The following GRIK2 variants were observed in gnomAD, a reference collection of about 807,000 sequenced individuals.
GRIK2 encodes glutamate receptor ionotropic, kainate 2.
In GRIK2, 32 loss-of-function variants were observed where a neutral mutation model predicts 100.3. The ratio of observed to expected loss-of-function variants is 0.32; its 90% CI spans 0.24 to 0.43. The LOEUF is 0.43. Among genes scored for constraint, GRIK2 ranks in the 20% least tolerant of loss-of-function variants. The pLI is 1.00. For synonymous variants in GRIK2, 417 were observed against 389.4 expected (o/e 1.07, Z -0.83); for missense variants, 843 against 1,114.9 (o/e 0.76, Z 3.47).
chr6:101,559,458 T>C (rs1776898401), intron 2 of GRIK2, among the ~76,000 whole-genome samples: 1 of 152,034 alleles, frequency 6.6e-6, no homozygotes, highest in Non-Finnish European at 1.5e-5. Context: ...TTGCAACCTC[T>C]CATTTAAATT....
At chr6:101,982,810 C>G (rs913763711) in intron 14 of GRIK2, among the ~76,000 whole-genome samples, 4 of 151,638 alleles carry the variant, frequency 2.6e-5, no homozygotes, top group African/African-American at 9.7e-5. Flanking sequence ...TACCCGTTAC[C>G]TTACAGGATG....
chr6:101,801,920 CTTTTCATG>C (rs1780696208), intron 8 of GRIK2, among the ~76,000 whole-genome samples: 1 of 151,706 alleles, frequency 6.6e-6, no homozygotes, highest in South Asian at 2.1e-4. Context: ...TAATAAGTTC[CTTTTCATG>C]TTATTATGAA....
intron 4 of GRIK2, among the ~76,000 whole-genome samples, chr6:101,670,096 A>T (rs544452183): frequency 3.9e-4 from 60 of 152,164 alleles, no homozygotes; most frequent in African/African-American, 1.2e-3. Flanking sequence ...CATTTTTTTT[A>T]AAACATTGAA....
At chr6:101,795,860 A>T (rs962712730) in intron 7 of GRIK2, among the ~76,000 whole-genome samples, 3 of 152,212 alleles carry the variant, frequency 2.0e-5, no homozygotes, top group Non-Finnish European at 2.9e-5. Context: ...GGACAGGGCA[A>T]TCTCCATGCC....
At chr6:101,743,370 A>G (rs905011946) in intron 7 of GRIK2, among the ~76,000 whole-genome samples, 1 of 152,212 alleles carries the variant, frequency 6.6e-6, no homozygotes, top group East Asian at 1.9e-4. Context: ...AGCAAGCCAG[A>G]TGGGTTAAGT....
chr6:101,626,137 C>G (rs1464928576), intron 3 of GRIK2, among the ~76,000 whole-genome samples: 1 of 152,122 alleles, frequency 6.6e-6, no homozygotes, highest in Non-Finnish European at 1.5e-5. Context: ...TGTCTCCCTC[C>G]CCTGACATTA....
rs147470138 is a variant in GRIK2, at chr6:101,977,893, C to T, written c.2085+49261C>T. 4.6e-3 allele frequency among the ~76,000 whole-genome samples: 705 copies of T among 152,036 alleles called. 7 individuals carry two copies. Among genetic ancestry groups the T allele is most frequent in the African/African-American group, 0.017 (688 of 41,476 alleles). On this transcript the variant is annotated intron_variant, in intron 14 of 16. Transcript: ENST00000369134. ...CTACTAAATAAAGCTCCTCGAGAAA[C>T]TTTCCTGGAGGTGGACTATATGACA... is the stretch of plus-strand genomic sequence containing the variant.
intron 11 of GRIK2, among the ~76,000 whole-genome samples, chr6:101,869,711 A>T (rs986468931): frequency 2.6e-5 from 4 of 151,834 alleles, no homozygotes; most frequent in Admixed American, 2.0e-4. Flanking sequence ...TTTTTCGAAT[A>T]GGCAAGTAGT....
At chr6:101,915,460 A>C (rs1186637031) in intron 12 of GRIK2, among the ~76,000 whole-genome samples, 1 of 151,544 alleles carries the variant, frequency 6.6e-6, no homozygotes, top group Non-Finnish European at 1.5e-5. Context: ...AGAAGATCAC[A>C]CAGTTTCACA....
chr6:101,427,055 A>G (rs1021902259), intron 2 of GRIK2, among the ~76,000 whole-genome samples: 2 of 152,182 alleles, frequency 1.3e-5, no homozygotes, highest in African/African-American at 2.4e-5. Context: ...TAGTTGTTTA[A>G]TTGTGAGAGG....
chr6:101,972,245 C>T (rs1793096363), intron 14 of GRIK2, among the ~76,000 whole-genome samples: 1 of 151,976 alleles, frequency 6.6e-6, no homozygotes, highest in Non-Finnish European at 1.5e-5. Context: ...TCCTATTTCT[C>T]CCGAGCCTCA....
chr6:101,660,540 G>C (rs543648500), intron 4 of GRIK2, among the ~76,000 whole-genome samples: 1 of 152,032 alleles, frequency 6.6e-6, no homozygotes, highest in African/African-American at 2.4e-5. Context: ...GATCCTTTGC[G>C]GGAGAAGAGA....
chr6:102,058,967 T>A (rs1197544916), intron 16 of GRIK2, among the ~76,000 whole-genome samples: 1 of 151,306 alleles, frequency 6.6e-6, no homozygotes, highest in Non-Finnish European at 1.5e-5. Flanking sequence ...GTCTTACTTT[T>A]AATGATGATA....
chr6:101,712,432 G>A (rs1049041987), intron 7 of GRIK2, among the ~76,000 whole-genome samples: 1 of 151,752 alleles, frequency 6.6e-6, no homozygotes, highest in Admixed American at 6.6e-5. Context: ...CAGGCAATAG[G>A]TGTGAACTAC....
At chr6:101,480,122 T>A (rs1158152622) in intron 2 of GRIK2, among the ~76,000 whole-genome samples, 1 of 152,168 alleles carries the variant, frequency 6.6e-6, no homozygotes, top group African/African-American at 2.4e-5. Context: ...TATGCTCAAG[T>A]TCATTCTATC....
At chr6:101,470,654 CT>C (rs1582521845) in intron 2 of GRIK2, among the ~76,000 whole-genome samples, 1 of 152,170 alleles carries the variant, frequency 6.6e-6, no homozygotes, top group East Asian at 1.9e-4. Flanking sequence ...GGTTCAAGCC[CT>C]GCAGGAGGAT....
chr6:101,729,649 C>T (rs542851646), intron 7 of GRIK2, among the ~76,000 whole-genome samples: 8 of 151,638 alleles, frequency 5.3e-5, no homozygotes, highest in African/African-American at 1.2e-4. Context: ...ATATCCTGAA[C>T]GCTTTAGTTT....
chr6:101,941,052 G>A (rs1376994433), intron 14 of GRIK2, among the ~76,000 whole-genome samples: 1 of 152,002 alleles, frequency 6.6e-6, no homozygotes, highest in Non-Finnish European at 1.5e-5. Context: ...ATTTGATTCA[G>A]TTTAAATGAT....
chr6:101,709,363 A>C (rs1377742516), intron 7 of GRIK2, among the ~76,000 whole-genome samples: 1 of 151,858 alleles, frequency 6.6e-6, no homozygotes, highest in East Asian at 1.9e-4. Flanking sequence ...GCAGTCCAGG[A>C]AAACTAAAAC....
Sources: gnomAD v4.1 joint callset for allele counts (sites outside exome capture counted in the v4.1 genomes callset) on GRCh38, gnomAD v4.1.1 for gene constraint, MANE v1.5 for transcripts, NCBI Gene and HGNC (gene_info 2026-07-23, HGNC 2026-07-21) for gene names.